POMP: variants seen among roughly 807,000 people sequenced by gnomAD.
POMP encodes the protein 2510048O06Rik.
Under a neutral mutation model 20.6 loss-of-function variants are expected in POMP, and 12 were observed. That is an observed-to-expected ratio of 0.58 (90% CI 0.37 to 0.94). POMP has a LOEUF of 0.94. Among genes scored for constraint, POMP ranks in the 40% least tolerant of loss-of-function variants. The probability of loss-of-function intolerance (pLI) is 0.01; values close to 1 mark genes in which losing one functional copy is unlikely to be tolerated. For missense variants in POMP, 136 were observed against 161.1 expected (o/e 0.84, Z 0.84); for synonymous variants, 53 against 55.0 (o/e 0.96, Z 0.16).
rs577665217 is a variant in POMP, at chr13:28,662,020, A to G, written c.4-390A>G. On this transcript the variant is annotated intron_variant, in intron 1 of 5. Transcript: ENST00000380842. ...TGGAATAAAACCCATATTTCTTTGC[A>G]CATAAGATGTTTCACTTTTGTATTT... Among the ~76,000 whole-genome samples, 3 of 152,318 alleles carry G rather than the reference A, an allele frequency of 2.0e-5. No homozygotes were observed. In the East Asian group the frequency reaches 5.8e-4, roughly 29 times the overall value.
intron 3 of POMP, among the ~76,000 whole-genome samples, chr13:28,666,305 A>G (rs1432091626): frequency 1.3e-5 from 2 of 152,210 alleles, no homozygotes; most frequent in Non-Finnish European, 2.9e-5. Flanking sequence ...AGAAAGGTTA[A>G]TGCAGTCTTG....
In POMP at chr13:28,672,318, C is replaced by T. The variant is rs913797; in HGVS notation, c.265-21C>T. On this transcript the variant is annotated intron_variant, in intron 4 of 5. Transcript: ENST00000380842. ...CCCCTGAGTTTTTTCTAATCTTGTC[C>T]CTTCATACTTTTCCCCAAAGGTTCA... 8.9e-3 allele frequency: 13,607 copies of T among 1,531,302 alleles called. 932 individuals are homozygous for T. In the African/African-American group the frequency reaches 0.15, roughly 17 times the overall value. 94.9% of individuals were successfully genotyped at this position (1,531,302 alleles called of 1,614,324 possible).
At chr13:28,661,195 G>A (rs1884333593) in intron 1 of POMP, among the ~76,000 whole-genome samples, 2 of 152,208 alleles carry the variant, frequency 1.3e-5, no homozygotes, top group Admixed American at 6.5e-5. Flanking sequence ...GTGCATGCTG[G>A]CTGACACCTG....
At chr13:28,662,923 A>C (rs1225909820) in intron 2 of POMP, among the ~76,000 whole-genome samples, 1 of 152,110 alleles carries the variant, frequency 6.6e-6, no homozygotes, top group African/African-American at 2.4e-5. Flanking sequence ...TCTTTACTAG[A>C]TGTGTGCCTT....
intron 5 of POMP, 125 bp downstream of exon 5, chr13:28,672,557 G>A: frequency 1.3e-6 from 1 of 767,020 alleles, no homozygotes; most frequent in Non-Finnish European, 2.3e-6. Context: ...TTTATTCATT[G>A]CATTAAGATA....
At chr13:28,671,028 CAA>C (rs1884537217) in intron 4 of POMP, among the ~76,000 whole-genome samples, 1 of 152,120 alleles carries the variant, frequency 6.6e-6, no homozygotes, top group Non-Finnish European at 1.5e-5. Flanking sequence ...GCCTGGGCGA[CAA>C]GAGCAAAACT....
At position 28,665,429 on chromosome 13, in the gene POMP, A is replaced by C. The variant is rs536944825; in HGVS notation, c.162+860A>C. Among the ~76,000 whole-genome samples, 64 of 152,352 alleles carry C rather than the reference A, an allele frequency of 4.2e-4. 1 individual carries two copies. Among genetic ancestry groups the C allele is most frequent in the African/African-American group, 1.5e-3 (61 of 41,588 alleles). On this transcript the variant is annotated intron_variant, in intron 3 of 5. Coordinates refer to ENST00000380842, the MANE Select transcript of POMP (RefSeq NM_015932.6). ...TCAAATTAGATGAGAAAAATAAAAA[A>C]ATTCCTCATCGATTTAAGTGAATTC...
intron 3 of POMP, among the ~76,000 whole-genome samples, chr13:28,665,577 T>C (rs1367938173): frequency 1.3e-5 from 2 of 152,238 alleles, no homozygotes; most frequent in East Asian, 1.9e-4. Flanking sequence ...TATAGATGGA[T>C]ACATATTCCA....
rs954912998 is a variant in POMP, at chr13:28,676,086, G to A, written c.359-1949G>A. On this transcript the variant is annotated intron_variant, in intron 5 of 5. Transcript: ENST00000380842. ...GTGGCGCGATCTCTGCTCACTGCAA[G>A]CTCTGCCTCCCGGGTTCAAGCGATT... Among the ~76,000 whole-genome samples, 7 of 151,928 alleles carry A rather than the reference G, an allele frequency of 4.6e-5. No homozygotes were observed. The East Asian group carries it at 1.2e-3, about 25-fold the overall frequency.
intron 4 of POMP, among the ~76,000 whole-genome samples, chr13:28,672,013 A>T (rs559023370): frequency 4.6e-5 from 7 of 152,298 alleles, no homozygotes; most frequent in African/African-American, 1.7e-4. Flanking sequence ...TCCTACATGT[A>T]TCAGGAATGA....
chr13:28,666,336 G>A (rs1566107869), intron 3 of POMP, among the ~76,000 whole-genome samples: 1 of 152,130 alleles, frequency 6.6e-6, no homozygotes, highest in Admixed American at 6.5e-5. Context: ...ATAAGATGGG[G>A]CTCAAATCAA....
At chr13:28,659,479 T>A (rs1025738802) in intron 1 of POMP, among the ~76,000 whole-genome samples, 5 of 152,096 alleles carry the variant, frequency 3.3e-5, no homozygotes, top group African/African-American at 1.2e-4. Context: ...CTCCTCCCCT[T>A]ACTTGGCGCA....
At chr13:28,667,705 C>T (rs1001717206) in intron 3 of POMP, among the ~76,000 whole-genome samples, 4 of 152,150 alleles carry the variant, frequency 2.6e-5, no homozygotes, top group East Asian at 1.9e-4. Flanking sequence ...CAAGAAATGA[C>T]TTTACCTCAT....
rs1042614508 is a variant in POMP at position 28,661,916 on chromosome 13, T to C, written c.4-494T>C. On this transcript the variant is annotated intron_variant, in intron 1 of 5. Transcript: ENST00000380842. ...TCTTCAACTTTTTTATTCTGTGTTA[T>C]ACACTCTAACCTAAGGGAGTGGTTT... is the stretch of plus-strand genomic sequence containing the variant. Among the ~76,000 whole-genome samples the C allele has an allele frequency of 6.9e-4, 105 of 152,230 alleles. 7 individuals carry two copies. Among genetic ancestry groups the C allele is most frequent in the Non-Finnish European group, 1.2e-4 (8 of 68,052 alleles).
intron 1 of POMP, 101 bp downstream of exon 1, chr13:28,659,288 G>C: frequency 1.3e-6 from 2 of 1,529,190 alleles, no homozygotes; most frequent in Non-Finnish European, 1.8e-6. Context: ...TGGCGGCGGC[G>C]GCGGCAGCGT....
intron 1 of POMP, among the ~76,000 whole-genome samples, chr13:28,661,354 T>C (rs1390120847): frequency 6.6e-6 from 1 of 152,144 alleles, no homozygotes; most frequent in African/African-American, 2.4e-5. Flanking sequence ...TAGTCCCAGC[T>C]ACTTGAGAGG....
In POMP at chr13:28,662,517, G is replaced by A. The variant is rs1566106626; in HGVS notation, c.101+10G>A. ...ATCTTCTTCGGAAAGGGTATATGGGGGAGTTATGACTTTGATTTTGTTATG... is the reference window on the plus strand; with the variant it reads ...ATCTTCTTCGGAAAGGGTATATGGGAGAGTTATGACTTTGATTTTGTTATG... On this transcript the variant is annotated intron_variant, in intron 2 of 5. Transcript: ENST00000380842. 4 of 1,588,704 alleles carry A rather than the reference G, an allele frequency of 2.5e-6. No homozygotes were observed. Among genetic ancestry groups the A allele is most frequent in the Non-Finnish European group, 3.5e-6 (4 of 1,157,108 alleles).
chr13:28,669,117 A>C (rs1937628984), intron 4 of POMP, among the ~76,000 whole-genome samples: 1 of 152,244 alleles, frequency 6.6e-6, no homozygotes, highest in Middle Eastern at 3.4e-3. Context: ...AAACAAAAAA[A>C]AATTGTATCA....
chr13:28,667,027 C>T (rs1053186020), intron 3 of POMP, among the ~76,000 whole-genome samples: 1 of 152,086 alleles, frequency 6.6e-6, no homozygotes, highest in Non-Finnish European at 1.5e-5. Context: ...ATCAGTAGTG[C>T]GGAGGGTTGA....
Sources: allele counts gnomAD v4.1 joint callset (sites outside exome capture counted in the v4.1 genomes callset), GRCh38; gene constraint gnomAD v4.1.1; transcripts MANE v1.5; gene names NCBI Gene and HGNC (gene_info 2026-07-23, HGNC 2026-07-21).